Variants in HCN1 observed in about 807,000 individuals in gnomAD.
The protein encoded by HCN1 is hyperpolarization activated cyclic nucleotide gated potassium channel 1.
Under a neutral mutation model 78.9 loss-of-function variants are expected in HCN1, and 13 were observed. The observed-to-expected ratio is 0.16, with a 90% CI of 0.11 to 0.26. HCN1 has a LOEUF of 0.26. Among genes scored for constraint, HCN1 ranks in the 10% least tolerant of loss-of-function variants. HCN1 has a pLI of 1.00. For synonymous variants in HCN1, 552 were observed against 455.5 expected (o/e 1.21, Z -2.70); for missense variants, 810 against 1,154.3 (o/e 0.70, Z 4.32).
At chr5:45,368,628 T>C (rs918277088) in intron 4 of HCN1, among the ~76,000 whole-genome samples, 4 of 152,114 alleles carry the variant, frequency 2.6e-5, no homozygotes, top group South Asian at 2.1e-4. Context: ...AATGGCCTAA[T>C]TGGCATCTCC....
chr5:45,431,353 T>C (rs562859553), intron 3 of HCN1, among the ~76,000 whole-genome samples: 15 of 152,180 alleles, frequency 9.9e-5, no homozygotes, highest in Admixed American at 2.6e-4. Context: ...TGATGCATAG[T>C]TTGTAAATAT....
intron 2 of HCN1, among the ~76,000 whole-genome samples, chr5:45,495,752 CTTA>C (rs1742011839): frequency 6.6e-6 from 1 of 152,058 alleles, no homozygotes; most frequent in Non-Finnish European, 1.5e-5. Flanking sequence ...ATAGATAGCT[CTTA>C]TTATTTTGAA....
chr5:45,497,176 C>T (rs1404835516), intron 2 of HCN1, among the ~76,000 whole-genome samples: 1 of 152,134 alleles, frequency 6.6e-6, no homozygotes, highest in African/African-American at 2.4e-5. Flanking sequence ...AATGTATATT[C>T]TGTTGATTTG....
At position 45,438,044 on chromosome 5, in the gene HCN1, C is replaced by T. The variant is rs146111587; in HGVS notation, c.1011+23802G>A. Among the ~76,000 whole-genome samples the T allele has an allele frequency of 7.0e-3, 1,065 of 152,250 alleles. 5 individuals carry two copies. The highest frequency in any genetic ancestry group is 0.065 in the Middle Eastern group (19 of 294). ...AGAAAGAACCCAAGATAGAAGGTGA[C>T]CTAATCTCATAAGTGACATATCATA... is the stretch of plus-strand genomic sequence containing the variant. On this transcript the variant is annotated intron_variant, in intron 3 of 7. Transcript: ENST00000303230.
At chr5:45,372,381 A>G (rs1341236106) in intron 4 of HCN1, among the ~76,000 whole-genome samples, 4 of 114,330 alleles carry the variant, frequency 3.5e-5, no homozygotes, top group African/African-American at 1.4e-4. Context: ...TATATATTAT[A>G]TAAATATGTA....
chr5:45,456,290 T>A (rs1038540806), intron 3 of HCN1, among the ~76,000 whole-genome samples: 1 of 152,098 alleles, frequency 6.6e-6, no homozygotes, highest in Admixed American at 6.6e-5. Flanking sequence ...AAACAAAAAC[T>A]GTATAAGGAA....
intron 4 of HCN1, among the ~76,000 whole-genome samples, chr5:45,381,098 T>C (rs1461310847): frequency 6.6e-6 from 1 of 152,168 alleles, no homozygotes; most frequent in African/African-American, 2.4e-5. Context: ...TTAATTTATG[T>C]AAGAATCTCA....
At chr5:45,656,263 C>A (rs1398928226) in intron 1 of HCN1, among the ~76,000 whole-genome samples, 1 of 152,078 alleles carries the variant, frequency 6.6e-6, no homozygotes, top group African/African-American at 2.4e-5. Context: ...ATTAATTTGT[C>A]AACAAATATG....
intron 1 of HCN1, among the ~76,000 whole-genome samples, chr5:45,657,002 CA>C (rs1168620513): frequency 6.6e-6 from 1 of 151,998 alleles, no homozygotes; most frequent in African/African-American, 2.4e-5. Context: ...CACCCACTGG[CA>C]GCTGCGTATT....
chr5:45,293,359 C>T (rs1412362204), intron 6 of HCN1, among the ~76,000 whole-genome samples: 1 of 151,860 alleles, frequency 6.6e-6, no homozygotes, highest in Non-Finnish European at 1.5e-5. Context: ...TGATATTAGC[C>T]AGGCATGGTG....
intron 4 of HCN1, among the ~76,000 whole-genome samples, chr5:45,376,633 C>A (rs1042247572): frequency 2.0e-5 from 3 of 151,696 alleles, no homozygotes; most frequent in Admixed American, 6.6e-5. Context: ...GTTTAATAGT[C>A]CCAACTATTC....
At chr5:45,346,817 C>T (rs1746725933) in intron 5 of HCN1, among the ~76,000 whole-genome samples, 1 of 152,224 alleles carries the variant, frequency 6.6e-6, no homozygotes, top group Admixed American at 6.5e-5. Context: ...GCGGGAGGGG[C>T]ACCCTCCATG....
chr5:45,687,363 A>G (rs1399038863), intron 1 of HCN1, among the ~76,000 whole-genome samples: 2 of 152,134 alleles, frequency 1.3e-5, no homozygotes, highest in African/African-American at 4.8e-5. Context: ...TCACTTTTTT[A>G]TCATTCTAGA....
intron 1 of HCN1, among the ~76,000 whole-genome samples, chr5:45,680,719 T>C (rs1469287492): frequency 6.6e-6 from 1 of 152,132 alleles, no homozygotes; most frequent in Non-Finnish European, 1.5e-5. Context: ...CTTTTCAAAA[T>C]TAAGACCTCT....
At chr5:45,295,887 CA>C (rs1333848841) in intron 6 of HCN1, among the ~76,000 whole-genome samples, 7 of 151,842 alleles carry the variant, frequency 4.6e-5, no homozygotes, top group Non-Finnish European at 8.8e-5. Flanking sequence ...ATGAAATAGG[CA>C]GGGATTGTAT....
At chr5:45,558,707 G>C (rs1743528328) in intron 2 of HCN1, 2 of 151,954 alleles carry the variant, frequency 1.3e-5, no homozygotes, top group Admixed American at 6.6e-5. Context: ...AATCTACTCT[G>C]CCTGTGCTCT....
intron 5 of HCN1, among the ~76,000 whole-genome samples, chr5:45,344,987 C>G (rs940027023): frequency 1.3e-5 from 2 of 152,218 alleles, no homozygotes; most frequent in Non-Finnish European, 2.9e-5. Flanking sequence ...TCCATGAGGG[C>G]CCTGTCCCTG....
At chr5:45,376,095 T>C (rs1306281307) in intron 4 of HCN1, among the ~76,000 whole-genome samples, 1 of 111,064 alleles carries the variant, frequency 9.0e-6, no homozygotes, top group Non-Finnish European at 1.6e-5. Flanking sequence ...ATATTATATA[T>C]AATATAATGT....
chr5:45,643,546 A>G (rs1290698571), intron 2 of HCN1: 3 of 152,180 alleles, frequency 2.0e-5, no homozygotes, highest in Non-Finnish European at 4.4e-5. Context: ...AAAACATTAT[A>G]TATCATAGTA....
Sources: allele counts gnomAD v4.1 joint callset (sites outside exome capture counted in the v4.1 genomes callset), GRCh38; gene constraint gnomAD v4.1.1; transcripts MANE v1.5; gene names NCBI Gene and HGNC (gene_info 2026-07-23, HGNC 2026-07-21).